CORO6: variants seen among roughly 807,000 people sequenced by gnomAD.
CORO6 encodes coronin-6.
In CORO6, 43 loss-of-function variants were observed where a neutral mutation model predicts 49.0. The observed-to-expected ratio is 0.88, with a 90% CI of 0.69 to 1.13. CORO6 has a LOEUF of 1.13. CORO6 is among the 50% of genes most tolerant of loss of function. CORO6 has a pLI of 0.00. For missense variants in CORO6, 650 were observed against 647.0 expected (o/e 1.00, Z -0.05); for synonymous variants, 233 against 256.5 (o/e 0.91, Z 0.88).
chr17:29,615,847 G>T lies in CORO6; in HGVS notation c.1304C>A (p.Thr435Asn). 6.3e-7 allele frequency: 1 copy of T among 1,597,164 alleles called. No homozygotes were observed. The highest frequency in any genetic ancestry group is 8.5e-7 in the Non-Finnish European group (1 of 1,172,984). The change falls in exon 11 of 11, where the codon ACC becomes AAC. Residue 435 changes from threonine (T) to asparagine (N), a missense_variant. By Grantham distance (65) the Thr-to-Asn change is moderately conservative. Transcript: ENST00000388767. ...GATCTCTTCCAGCAGCGTCTCCAGG[G>T]TGTGCTGCTGCTGGGGCGGAGGACA... The part of the protein sequence containing the change: ...ASDAPLSQQH[T>N]LETLLEEIKA...
In CORO6 at chr17:29,615,933, G is replaced by A; in HGVS notation, c.1293+12C>T. 6.3e-7 allele frequency: 1 copy of A among 1,579,890 alleles called. No homozygotes were observed. Among genetic ancestry groups the A allele is most frequent in the Non-Finnish European group, 8.6e-7 (1 of 1,161,818 alleles). ...TGTAGATTGGGCCAGAGTGCAGCAG[G>A]GCCGATCTTACCGACAAGGGGGCGT... is the stretch of plus-strand genomic sequence containing the variant. On this transcript the variant is annotated intron_variant, in intron 10 of 10. Coordinates refer to ENST00000388767, the MANE Select transcript of CORO6 (RefSeq NM_032854.4).
Position 29,616,842 on chromosome 17 carries a change from G to T in CORO6, c.864C>A (p.Asp288Glu). 1 of 1,613,104 alleles carries T rather than the reference G, an allele frequency of 6.2e-7. No homozygotes were observed. Residue 288 changes from aspartate to glutamate, a missense_variant, in exon 8 of 11, where the codon GAC (aspartate) becomes GAA (glutamate). By Grantham distance (45) the Asp-to-Glu change is conservative (BLOSUM62 2). Coordinates refer to ENST00000388767, the MANE Select transcript of CORO6 (RefSeq NM_032854.4). This position sits in a 1 kb window ranked among gnomAD's most constrained non-coding sequence, Gnocchi z 5.6. ...SSIVYLCGKG[D>E]SSIRYFEITD... ...TAATCTCAAAGTACCGAATGCTGCT[G>T]TCGCCCTGCAAAATCAGTCGGTTCA...
At chr17:29,618,717 T>C (rs533449677) in intron 5 of CORO6, 73 bp downstream of exon 5, 1 of 1,528,704 alleles carries the variant, frequency 6.5e-7, no homozygotes, top group African/African-American at 1.4e-5. Flanking sequence ...GCTCTGATAA[T>C]GGTGGGTACA....
chr17:29,621,217 C>G lies in CORO6; in HGVS notation c.198+7G>C. 3.1e-6 allele frequency: 5 copies of G among 1,614,048 alleles called. No individual in the cohort carries two copies. The highest frequency in any genetic ancestry group is 4.2e-6 in the Non-Finnish European group (5 of 1,180,030). ...CTCCCACTTGCTTCCTTTCCCTGAT[C>G]CCTCACCTTGGCCAGAGGCAGGACG... On this transcript the variant is annotated splice_region_variant and intron_variant, in intron 2 of 10. Coordinates refer to ENST00000388767, the MANE Select transcript of CORO6 (RefSeq NM_032854.4). This position sits in a 1 kb window ranked among gnomAD's most constrained non-coding sequence, Gnocchi z 4.2.
chr17:29,615,840 C>T lies in CORO6; in HGVS notation c.1311G>A (p.Glu437=). The change falls in exon 11 of 11, where the codon GAG becomes GAA. Residue 437 remains glutamate, a synonymous_variant. Coordinates refer to ENST00000388767, the MANE Select transcript of CORO6 (RefSeq NM_032854.4). ...GGGCCTTGATCTCTTCCAGCAGCGT[C>T]TCCAGGGTGTGCTGCTGCTGGGGCG... The part of the protein sequence containing the change: ...DAPLSQQHTL[E]TLLEEIKALR... The T allele has an allele frequency of 3.1e-6, 5 of 1,593,766 alleles. No individual in the cohort carries two copies. Among genetic ancestry groups the T allele is most frequent in the Non-Finnish European group, 4.3e-6 (5 of 1,171,350 alleles).
At chr17:29,620,138 G>C (rs1184963983) in intron 2 of CORO6, among the ~76,000 whole-genome samples, 1 of 152,212 alleles carries the variant, frequency 6.6e-6, no homozygotes, top group Non-Finnish European at 1.5e-5. Flanking sequence ...TGGTGGAAGA[G>C]GTCAAGGTGA....
Position 29,616,782 on chromosome 17 carries a change from C to T in CORO6, c.924G>A (p.Thr308=). ...DEPPFVHYLN[T]FSSKEPQRGM... ...CCCGCTGCGGCTCTTTGCTGCTGAA[C>T]GTGTTCAGGTAGTGCACGAAAGGCG... The change falls in exon 8 of 11, where the codon ACG becomes ACA. Residue 308 remains threonine, a synonymous_variant. Coordinates refer to ENST00000388767, the MANE Select transcript of CORO6 (RefSeq NM_032854.4). This position sits in a 1 kb window ranked among gnomAD's most constrained non-coding sequence, Gnocchi z 5.6. The T allele has an allele frequency of 1.2e-6, 2 of 1,613,880 alleles. No homozygotes were observed. The highest frequency in any genetic ancestry group is 1.7e-6 in the Non-Finnish European group (2 of 1,179,976).
chr17:29,619,987 A>G (rs1248809233), intron 2 of CORO6, among the ~76,000 whole-genome samples: 1 of 152,228 alleles, frequency 6.6e-6, no homozygotes, highest in Non-Finnish European at 1.5e-5. Flanking sequence ...GAGAGGTAAG[A>G]TGGCCTCATC....
intron 5 of CORO6, 144 bp from the exon 6 acceptor site, chr17:29,617,763 A>C: frequency 2.2e-6 from 2 of 925,248 alleles, no homozygotes; most frequent in South Asian, 1.8e-5. Context: ...CTAAGCACTC[A>C]GCTTCCTGCG....
chr17:29,617,410 G>C (rs1454375218), intron 6 of CORO6, 90 bp downstream of exon 6: 2 of 1,551,282 alleles, frequency 1.3e-6, no homozygotes, highest in Non-Finnish European at 1.7e-6. Context: ...TCCTGTCCAG[G>C]TGGGCATGCC....
Position 29,621,563 on chromosome 17 carries a change from T to C in CORO6, c.-63-79A>G. On this transcript the variant is annotated intron_variant, in intron 1 of 10. Coordinates refer to ENST00000388767, the MANE Select transcript of CORO6 (RefSeq NM_032854.4). The surrounding 1 kb of genome is among the most constrained non-coding windows in gnomAD (Gnocchi z 4.2). Reference sequence around the variant, plus strand: ...AGGAGTCAGGTATAAATCCATATAGTGTCTGGTCCTAGAAGCAGGGAGCTT... The same window carrying C: ...AGGAGTCAGGTATAAATCCATATAGCGTCTGGTCCTAGAAGCAGGGAGCTT... 7.2e-7 allele frequency: 1 copy of C among 1,395,042 alleles called. No individual in the cohort carries two copies. The highest frequency in any genetic ancestry group is 9.6e-7 in the Non-Finnish European group (1 of 1,039,236). 86.4% of individuals were successfully genotyped at this position (1,395,042 alleles called of 1,614,324 possible).
At position 29,617,066 on chromosome 17, in the gene CORO6, C is replaced by G. The variant is rs1332345861; in HGVS notation, c.754-24G>C. ...TTCTGCCCGAGCACAGGAGGCGTGA[C>G]CAGCCCTGCCCCACCCTCCCGTGCT... On this transcript the variant is annotated intron_variant, in intron 6 of 10. Coordinates refer to ENST00000388767, the MANE Select transcript of CORO6 (RefSeq NM_032854.4). The G allele has an allele frequency of 2.5e-6, 4 of 1,609,000 alleles. No individual in the cohort carries two copies. In the Admixed American group the frequency reaches 6.7e-5, roughly 27 times the overall value.
intron 3 of CORO6, 68 bp downstream of exon 3, chr17:29,619,583 C>T (rs528781661): frequency 1.4e-5 from 22 of 1,524,042 alleles, no homozygotes; most frequent in Non-Finnish European, 1.9e-5. Context: ...GCACCTTCCC[C>T]AGCACAGGTG....
intron 3 of CORO6, 57 bp from the exon 4 acceptor site, chr17:29,619,246 A>T: frequency 6.3e-7 from 1 of 1,585,962 alleles, no homozygotes; most frequent in Non-Finnish European, 8.6e-7. Context: ...CTGTCCCTCC[A>T]CTCCTTCCCT....
chr17:29,619,510 A>G, intron 3 of CORO6, 141 bp downstream of exon 3: 1 of 843,320 alleles, frequency 1.2e-6, no homozygotes, highest in South Asian at 1.6e-5. Flanking sequence ...GTAGCTAAAA[A>G]TAGTCCAGGA....
At position 29,621,047 on chromosome 17, in the gene CORO6, G is replaced by A. The variant is rs1233897949; in HGVS notation, c.198+177C>T. Among the ~76,000 whole-genome samples, 5 of 152,132 alleles carry A rather than the reference G, an allele frequency of 3.3e-5. No homozygotes were observed. On this transcript the variant is annotated intron_variant, in intron 2 of 10. Coordinates refer to ENST00000388767, the MANE Select transcript of CORO6 (RefSeq NM_032854.4). This position sits in a 1 kb window ranked among gnomAD's most constrained non-coding sequence, Gnocchi z 4.2. ...GTGGGAGTAAGCCACCCTGATGTTAGGGTGGGGTGGGGTGGCCTCCCCTCT... is the reference window on the plus strand; with the variant it reads ...GTGGGAGTAAGCCACCCTGATGTTAAGGTGGGGTGGGGTGGCCTCCCCTCT...
At position 29,617,621 on chromosome 17, in the gene CORO6, T is replaced by C. The variant is rs768623627; in HGVS notation, c.634-2A>G. ...CCCCTCGTGGGCCGCAAACCTCTCC[T>C]GGGGGGAGGGGGAGACAGGGAGGGA... On this transcript the variant is annotated splice_acceptor_variant, in intron 5 of 10. Transcript: ENST00000388767. LOFTEE classifies it high-confidence loss of function. The C allele has an allele frequency of 6.3e-7, 1 of 1,590,186 alleles. No individual in the cohort carries two copies. Among genetic ancestry groups the C allele is most frequent in the African/African-American group, 1.3e-5 (1 of 74,492 alleles).
Position 29,617,491 on chromosome 17 carries a change from C to A in CORO6, c.753+9G>T. 6.2e-7 allele frequency: 1 copy of A among 1,604,546 alleles called. No individual in the cohort carries two copies. The highest frequency in any genetic ancestry group is 1.1e-5 in the South Asian group (1 of 90,560). ...CGAGGCACACACCCCAAGCCTCCAG[C>A]TGCGTTACCGGGTCCCACAGGCCCA... On this transcript the variant is annotated intron_variant, in intron 6 of 10. Coordinates refer to ENST00000388767, the MANE Select transcript of CORO6 (RefSeq NM_032854.4).
rs770755881 is a variant in CORO6 at position 29,616,045 on chromosome 17, G to C, written c.1193C>G (p.Pro398Arg). ...LISLRDGYVP[P>R]KHRELRVTKR... is the part of the protein sequence containing the mutation. ...CGTGACCCGGAGCTCGCGGTGCTTG[G>C]GGGGCACATAGCCGTCCCTCAGCGA... Residue 398 changes from proline (P) to arginine (R), a missense_variant, in exon 10 of 11, where the codon CCC becomes CGC. Physicochemically the swap from Pro to Arg is moderately radical, Grantham distance 103. Coordinates refer to ENST00000388767, the MANE Select transcript of CORO6 (RefSeq NM_032854.4). This position sits in a 1 kb window ranked among gnomAD's most constrained non-coding sequence, Gnocchi z 5.6. 1.1e-5 allele frequency: 17 copies of C among 1,611,666 alleles called. No homozygotes were observed. Among genetic ancestry groups the C allele is most frequent in the Non-Finnish European group, 1.4e-5 (17 of 1,179,444 alleles).
Sources: allele counts gnomAD v4.1 joint callset (sites outside exome capture counted in the v4.1 genomes callset), GRCh38; gene constraint gnomAD v4.1.1; non-coding constraint Gnocchi (gnomAD v3.1); transcripts MANE v1.5; gene names NCBI Gene and HGNC (gene_info 2026-07-23, HGNC 2026-07-21).